DPYSL3: variants seen among roughly 807,000 people sequenced by gnomAD.
DPYSL3 encodes the protein dihydropyrimidinase-related protein 3.
A neutral mutation model predicts 66.1 loss-of-function variants in DPYSL3; 16 were observed. The ratio of observed to expected loss-of-function variants is 0.24; its 90% CI spans 0.16 to 0.37. The LOEUF (loss-of-function observed/expected upper bound fraction) is 0.37. Among genes scored for constraint, DPYSL3 ranks in the 10% least tolerant of loss-of-function variants. DPYSL3 has a pLI of 1.00. For synonymous variants in DPYSL3, 338 were observed against 345.1 expected, an observed-to-expected ratio of 0.98 and a Z score of 0.23; for missense variants, 738 against 916.2, an observed-to-expected ratio of 0.81 and a Z score of 2.51.
chr5:147,419,108 T>A (rs1253288460), intron 2 of DPYSL3, among the ~76,000 whole-genome samples: 1 of 152,216 alleles, frequency 6.6e-6, no homozygotes, highest in African/African-American at 2.4e-5. Flanking sequence ...AGTGGGGTCA[T>A]CTTTGCTCCT....
intron 1 of DPYSL3, chr5:147,453,747 C>A: frequency 7.6e-7 from 1 of 1,315,864 alleles, no homozygotes; most frequent in Non-Finnish European, 9.7e-7. Context: ...CCCGGGCTCC[C>A]GCGGCGGCTG....
At chr5:147,426,382 G>A (rs1337684938) in intron 1 of DPYSL3, among the ~76,000 whole-genome samples, 1 of 152,042 alleles carries the variant, frequency 6.6e-6, no homozygotes, top group African/African-American at 2.4e-5. Context: ...ATCAGGTTGG[G>A]GAGGTAGGCA....
chr5:147,453,874 C>T, intron 1 of DPYSL3: 1 of 625,132 alleles, frequency 1.6e-6, no homozygotes, highest in Non-Finnish European at 2.3e-6. Context: ...GCTGCGCCAG[C>T]TGGGACCCCA....
intron 1 of DPYSL3, chr5:147,473,178 G>T (rs1753108707): frequency 6.6e-6 from 1 of 152,114 alleles, no homozygotes; most frequent in Non-Finnish European, 1.5e-5. Context: ...TAAATGAGTA[G>T]GTTTCTATCC....
intron 1 of DPYSL3, among the ~76,000 whole-genome samples, chr5:147,463,674 G>T (rs772776387): frequency 2.0e-4 from 31 of 152,136 alleles, no homozygotes; most frequent in Non-Finnish European, 4.3e-4. Context: ...TATGATTAGA[G>T]TAGGCACAGT....
chr5:147,465,229 C>T (rs545277624), intron 1 of DPYSL3, among the ~76,000 whole-genome samples: 3 of 152,100 alleles, frequency 2.0e-5, no homozygotes, highest in Non-Finnish European at 4.4e-5. Flanking sequence ...AAAAACAAAA[C>T]AACAACAATA....
intron 1 of DPYSL3, among the ~76,000 whole-genome samples, chr5:147,438,460 T>A (rs1752454477): frequency 6.6e-6 from 1 of 152,202 alleles, no homozygotes; most frequent in Non-Finnish European, 1.5e-5. Flanking sequence ...TCGCCTTCAA[T>A]AAAGATCTAA....
At chr5:147,501,972 A>G (rs1338772892) in intron 1 of DPYSL3, among the ~76,000 whole-genome samples, 1 of 152,106 alleles carries the variant, frequency 6.6e-6, no homozygotes, top group Non-Finnish European at 1.5e-5. Flanking sequence ...TAAAAAGGTG[A>G]TATCTTAGTC....
At chr5:147,446,296 G>A (rs76317382) in intron 1 of DPYSL3, among the ~76,000 whole-genome samples, 3 of 152,158 alleles carry the variant, frequency 2.0e-5, no homozygotes, top group Non-Finnish European at 4.4e-5. Flanking sequence ...CAGGCCTGAA[G>A]CACAGTGTGC....
At chr5:147,500,764 A>G (rs370754787) in intron 1 of DPYSL3, among the ~76,000 whole-genome samples, 1 of 152,224 alleles carries the variant, frequency 6.6e-6, no homozygotes, top group Non-Finnish European at 1.5e-5. Flanking sequence ...AACAACAATG[A>G]GATACCACTA....
chr5:147,480,475 G>A (rs766767290), intron 1 of DPYSL3, among the ~76,000 whole-genome samples: 10 of 152,128 alleles, frequency 6.6e-5, no homozygotes, highest in Non-Finnish European at 1.5e-4. Context: ...TCTGTCTGAA[G>A]CACCTAGTAG....
chr5:147,402,918 C>T (rs1473281255), intron 8 of DPYSL3, among the ~76,000 whole-genome samples: 5 of 152,236 alleles, frequency 3.3e-5, no homozygotes, highest in South Asian at 2.1e-4. Context: ...TTCTCTATGC[C>T]AAAATCTGGG....
chr5:147,401,822 A>C (rs187606817), intron 8 of DPYSL3, 126 bp from the exon 9 acceptor site: 18 of 1,157,782 alleles, frequency 1.6e-5, no homozygotes, highest in Non-Finnish European at 2.0e-5. Context: ...CCTGGGTTCA[A>C]GTCCATGTTC....
chr5:147,453,701 G>T (rs1358246391), intron 1 of DPYSL3: 1 of 1,344,762 alleles, frequency 7.4e-7, no homozygotes, highest in Admixed American at 3.4e-5. Context: ...ATGGTGCGCT[G>T]GCCGCGCCGC....
intron 1 of DPYSL3, among the ~76,000 whole-genome samples, chr5:147,493,063 G>A (rs1581217433): frequency 6.6e-6 from 1 of 152,260 alleles, no homozygotes; most frequent in East Asian, 1.9e-4. Flanking sequence ...ATCCAGAATA[G>A]ACCTCGGAGC....
chr5:147,477,280 A>G (rs1212054495), intron 1 of DPYSL3, among the ~76,000 whole-genome samples: 1 of 152,194 alleles, frequency 6.6e-6, no homozygotes, highest in Non-Finnish European at 1.5e-5. Context: ...TTATTTACAT[A>G]TGAAGAGAGA....
At position 147,485,668 on chromosome 5, in the gene DPYSL3, G is replaced by A. The variant is rs141728573; in HGVS notation, c.381+23810C>T. The stretch of plus-strand genomic sequence containing the variant: ...TGAGCACAAGTGTCTGTGGTGAGAA[G>A]TAAGTGGTAGGCCCTGCCCTTACAG... On this transcript the variant is annotated intron_variant, in intron 1 of 13. Transcript: ENST00000343218. Among the ~76,000 whole-genome samples the A allele has an allele frequency of 9.7e-3, 1,478 of 152,290 alleles. 11 individuals carry two copies. The highest frequency in any genetic ancestry group is 0.016 in the Non-Finnish European group (1,055 of 68,024).
chr5:147,453,360 A>G (rs1375493909), intron 1 of DPYSL3, among the ~76,000 whole-genome samples: 1 of 151,390 alleles, frequency 6.6e-6, no homozygotes, highest in Non-Finnish European at 1.5e-5. Flanking sequence ...TTTTCCCCAA[A>G]CCCCAGGGTC....
Position 147,415,886 on chromosome 5 carries a change from G to A in DPYSL3, c.656-13C>T, listed in dbSNP as rs1363547448. 1 of 1,612,098 alleles carries A rather than the reference G, an allele frequency of 6.2e-7. No individual in the cohort carries two copies. Among genetic ancestry groups the A allele is most frequent in the Non-Finnish European group, 8.5e-7 (1 of 1,179,090 alleles). Reference sequence around the variant, plus strand: ...ACCACATGGTCAACTGAATGACAGAGACCCCAGATGAGTCACTCTCAGACA... The same window carrying A: ...ACCACATGGTCAACTGAATGACAGAAACCCCAGATGAGTCACTCTCAGACA... On this transcript the variant is annotated splice_polypyrimidine_tract_variant and intron_variant, in intron 3 of 13. Transcript: ENST00000343218.
Sources: allele counts gnomAD v4.1 joint callset (sites outside exome capture counted in the v4.1 genomes callset), GRCh38; gene constraint gnomAD v4.1.1; transcripts MANE v1.5; gene names NCBI Gene and HGNC (gene_info 2026-07-23, HGNC 2026-07-21).